Variants in SUPT3H observed in about 807,000 individuals in gnomAD.
SUPT3H encodes the protein SPT3 homolog, SAGA and STAGA complex component.
SUPT3H carries 44 observed loss-of-function variants against 44.3 expected under a neutral mutation model. That is an observed-to-expected ratio of 0.99 (90% confidence interval 0.78 to 1.28). SUPT3H has a LOEUF of 1.28. Among genes scored for constraint, SUPT3H ranks in the 50% most tolerant of loss-of-function variants. The pLI is 0.00. For synonymous variants in SUPT3H, 124 were observed against 125.6 expected (o/e 0.99, Z 0.09); for missense variants, 380 against 387.1 (o/e 0.98, Z 0.15).
chr6:44,835,147 C>T (rs1769590414), intron 10 of SUPT3H, among the ~76,000 whole-genome samples: 1 of 152,018 alleles, frequency 6.6e-6, no homozygotes, highest in South Asian at 2.1e-4. Context: ...GGTTGATACA[C>T]CATGTGTTTT....
At chr6:45,231,947 T>C (rs774803131) in intron 2 of SUPT3H, among the ~76,000 whole-genome samples, 2 of 152,186 alleles carry the variant, frequency 1.3e-5, no homozygotes, top group Non-Finnish European at 2.9e-5. Flanking sequence ...GATTCTTATT[T>C]ATGATTATCT....
chr6:44,956,853 C>T lies in SUPT3H; in HGVS notation c.581-2246G>A, dbSNP rs370706654. Among the ~76,000 whole-genome samples the T allele has an allele frequency of 4.9e-4, 75 of 152,312 alleles. No homozygotes were observed. In the South Asian group the frequency reaches 0.015, roughly 30 times the overall value. Reference sequence around the variant, plus strand: ...GCCATTTATTGAACACTGATACCATCAGATATTCTTTCACAAATGCTTATA... The same window carrying T: ...GCCATTTATTGAACACTGATACCATTAGATATTCTTTCACAAATGCTTATA... On this transcript the variant is annotated intron_variant, in intron 7 of 10. Coordinates refer to ENST00000371459, the MANE Select transcript of SUPT3H (RefSeq NM_003599.4).
chr6:44,974,180 G>A (rs181998623), intron 6 of SUPT3H, among the ~76,000 whole-genome samples: 2 of 152,138 alleles, frequency 1.3e-5, no homozygotes, highest in East Asian at 3.9e-4. Context: ...TATATGCTGG[G>A]TGGGGTAGGT....
At chr6:45,209,959 G>A (rs951469708) in intron 2 of SUPT3H, among the ~76,000 whole-genome samples, 2 of 152,100 alleles carry the variant, frequency 1.3e-5, no homozygotes, top group Admixed American at 6.6e-5. Flanking sequence ...AGGTTCAGAC[G>A]ATACCAGCAA....
At chr6:45,121,436 A>C (rs533869314) in intron 2 of SUPT3H, among the ~76,000 whole-genome samples, 2 of 151,864 alleles carry the variant, frequency 1.3e-5, no homozygotes, top group Admixed American at 1.3e-4. Context: ...AGAATATTAG[A>C]TTACTAAATC....
intron 2 of SUPT3H, among the ~76,000 whole-genome samples, chr6:45,330,697 T>A (rs542882750): frequency 6.6e-6 from 1 of 152,066 alleles, no homozygotes; most frequent in East Asian, 1.9e-4. Context: ...GACAGGATTC[T>A]AAGCAAGGCA....
downstream of SUPT3H, among the ~76,000 whole-genome samples, chr6:44,825,102 A>T (rs1767644282): frequency 6.6e-6 from 1 of 152,218 alleles, no homozygotes; most frequent in African/African-American, 2.4e-5. Flanking sequence ...CTTCTGGGGA[A>T]ATCTGGTCTT....
downstream of SUPT3H, among the ~76,000 whole-genome samples, chr6:44,825,612 T>G (rs1250052334): frequency 6.6e-6 from 1 of 152,246 alleles, no homozygotes; most frequent in South Asian, 2.1e-4. Context: ...CTGTGAGTAT[T>G]AAATGAGATA....
chr6:45,258,923 T>C (rs1013979821), intron 2 of SUPT3H, among the ~76,000 whole-genome samples: 6 of 152,168 alleles, frequency 3.9e-5, no homozygotes, highest in Non-Finnish European at 7.4e-5. Flanking sequence ...TTAAAGTTTT[T>C]TGAGGCTTAG....
At chr6:45,138,137 A>C (rs1804613653) in intron 2 of SUPT3H, among the ~76,000 whole-genome samples, 1 of 152,170 alleles carries the variant, frequency 6.6e-6, no homozygotes, top group Non-Finnish European at 1.5e-5. Flanking sequence ...AGAACATGCA[A>C]ATCAAACACA....
intron 2 of SUPT3H, among the ~76,000 whole-genome samples, chr6:45,185,719 CCA>C (rs1239558433): frequency 2.0e-5 from 3 of 152,238 alleles, no homozygotes; most frequent in Admixed American, 2.0e-4. Flanking sequence ...AGGGGCTACC[CCA>C]GTTTTTGTGT....
chr6:45,105,815 C>T, intron 3 of SUPT3H, 107 bp downstream of exon 3: 4 of 870,676 alleles, frequency 4.6e-6, no homozygotes, highest in Non-Finnish European at 6.9e-6. Flanking sequence ...ATAATGCTAA[C>T]AAAAAAGAAT....
chr6:45,257,458 CCATT>C (rs550692347), intron 2 of SUPT3H, among the ~76,000 whole-genome samples: 67 of 152,214 alleles, frequency 4.4e-4, no homozygotes, highest in Non-Finnish European at 8.2e-4. Flanking sequence ...TTCTCAGAAG[CCATT>C]CAAACTTTTT....
intron 2 of SUPT3H, among the ~76,000 whole-genome samples, chr6:45,189,210 T>C (rs1371668112): frequency 1.3e-5 from 2 of 152,246 alleles, no homozygotes; most frequent in South Asian, 2.1e-4. Flanking sequence ...GCAACTTTTA[T>C]GAGTGAGAAA....
At chr6:45,350,510 C>T (rs1791790956) in intron 2 of SUPT3H, among the ~76,000 whole-genome samples, 1 of 152,148 alleles carries the variant, frequency 6.6e-6, no homozygotes, top group Non-Finnish European at 1.5e-5. Context: ...GCTCAAGCTG[C>T]TTTCTCACAG....
chr6:44,941,235 T>A (rs1395989288), intron 9 of SUPT3H, among the ~76,000 whole-genome samples: 2 of 152,134 alleles, frequency 1.3e-5, no homozygotes, highest in Non-Finnish European at 2.9e-5. Context: ...ACCTGAGAAT[T>A]TTATACTTTT....
At chr6:45,238,039 C>G (rs1769531779) in intron 2 of SUPT3H, among the ~76,000 whole-genome samples, 1 of 152,142 alleles carries the variant, frequency 6.6e-6, no homozygotes, top group African/African-American at 2.4e-5. Flanking sequence ...CTGCAGCCTG[C>G]TAAGCATTTT....
intron 6 of SUPT3H, among the ~76,000 whole-genome samples, chr6:44,993,316 C>T (rs1311645453): frequency 6.6e-6 from 1 of 152,036 alleles, no homozygotes; most frequent in Non-Finnish European, 1.5e-5. Flanking sequence ...TAAAAAGATC[C>T]CTTGAGAGCC....
intron 6 of SUPT3H, among the ~76,000 whole-genome samples, chr6:44,974,588 T>G (rs1778057513): frequency 6.6e-6 from 1 of 152,180 alleles, no homozygotes; most frequent in African/African-American, 2.4e-5. Context: ...AGGAAGATCA[T>G]GGTACCAAAG....
Sources: allele counts gnomAD v4.1 joint callset (sites outside exome capture counted in the v4.1 genomes callset), GRCh38; gene constraint gnomAD v4.1.1; transcripts MANE v1.5; gene names NCBI Gene and HGNC (gene_info 2026-07-23, HGNC 2026-07-21).